Variants in CRB1 observed in about 807,000 individuals in gnomAD.
CRB1 encodes the protein protein crumbs homolog 1.
A neutral mutation model predicts 120.0 loss-of-function variants in CRB1; 83 were observed. The observed-to-expected ratio is 0.69, with a 90% CI of 0.58 to 0.83. The LOEUF (loss-of-function observed/expected upper bound fraction) is 0.83, where lower values mean the gene tolerates loss of function less well. Among genes scored for constraint, CRB1 ranks in the 40% least tolerant of loss-of-function variants. The pLI is 0.00. For missense variants in CRB1, 1,699 were observed against 1,687.6 expected (o/e 1.01, Z -0.12); for synonymous variants, 625 against 612.5 (o/e 1.02, Z -0.30).
intron 11 of CRB1, among the ~76,000 whole-genome samples, chr1:197,456,812 TG>T (rs1666305926): frequency 6.6e-6 from 1 of 152,172 alleles, no homozygotes; most frequent in African/African-American, 2.4e-5. Flanking sequence ...AACCGGTTTC[TG>T]TAAGTCCATA....
the CRB1 span, among the ~76,000 whole-genome samples, chr1:197,201,849 A>C: frequency 6.6e-6 from 1 of 152,232 alleles, no homozygotes; most frequent in Non-Finnish European, 1.5e-5. Flanking sequence ...CTAAGAAAAA[A>C]AATTTTATAC....
intron 4 of CRB1, among the ~76,000 whole-genome samples, chr1:197,348,015 T>A (rs1442467985): frequency 6.6e-6 from 1 of 152,228 alleles, no homozygotes; most frequent in African/African-American, 2.4e-5. Context: ...TTGTGTTACA[T>A]TACAGGCCAT....
chr1:197,462,244 A>G (rs944449243), intron 11 of CRB1, among the ~76,000 whole-genome samples: 10 of 152,282 alleles, frequency 6.6e-5, no homozygotes, highest in African/African-American at 2.4e-4. Context: ...CTGTATTACC[A>G]TCCTCATCAA....
chr1:197,341,286 T>C (rs1321712106), intron 2 of CRB1, among the ~76,000 whole-genome samples: 1 of 152,180 alleles, frequency 6.6e-6, no homozygotes, highest in East Asian at 1.9e-4. Context: ...CTCATGCCTG[T>C]AATCCCAGCA....
intron 11 of CRB1, among the ~76,000 whole-genome samples, chr1:197,448,831 TA>T (rs1159754830): frequency 6.6e-6 from 1 of 152,250 alleles, no homozygotes; most frequent in Non-Finnish European, 1.5e-5. Context: ...CAGCATCCAA[TA>T]ATAAACTGCT....
intron 1 of CRB1, among the ~76,000 whole-genome samples, chr1:197,295,782 T>C (rs1379572001): frequency 2.6e-5 from 4 of 152,008 alleles, no homozygotes; most frequent in South Asian, 2.1e-4. Context: ...AAGTGCGACA[T>C]ATGGCTGAGG....
intron 1 of CRB1, among the ~76,000 whole-genome samples, chr1:197,275,645 A>C (rs1487103833): frequency 6.6e-6 from 1 of 152,014 alleles, no homozygotes; most frequent in East Asian, 1.9e-4. Context: ...ATTAACTTAG[A>C]GTCTGATCAA....
chr1:197,342,938 A>T lies in CRB1; in HGVS notation c.653-1343A>T, dbSNP rs144087147. 3.9e-3 allele frequency among the ~76,000 whole-genome samples: 596 copies of T among 152,346 alleles called. 26 individuals are homozygous for T. Among genetic ancestry groups the T allele is most frequent in the Admixed American group, 0.029 (439 of 15,300 alleles). ...ATGCCAAGTAAAATAGCCATGGAAAATCTCATTCACAGACTGCAGTAGAAA... is the reference window on the plus strand; with the variant it reads ...ATGCCAAGTAAAATAGCCATGGAAATTCTCATTCACAGACTGCAGTAGAAA... On this transcript the variant is annotated intron_variant, in intron 2 of 11. Coordinates refer to ENST00000367400, the MANE Select transcript of CRB1 (RefSeq NM_201253.3).
At chr1:197,390,316 A>G (rs1662434424) in intron 5 of CRB1, among the ~76,000 whole-genome samples, 1 of 152,080 alleles carries the variant, frequency 6.6e-6, no homozygotes, top group African/African-American at 2.4e-5. Flanking sequence ...TAACAATTAA[A>G]TATTCTGTGC....
At chr1:197,294,170 A>C (rs1291894803) in intron 1 of CRB1, among the ~76,000 whole-genome samples, 1 of 152,220 alleles carries the variant, frequency 6.6e-6, no homozygotes, top group African/African-American at 2.4e-5. Flanking sequence ...CACATCTGAC[A>C]AAGGGCTAAT....
rs138536277 is a variant in CRB1, at chr1:197,270,678, C to G, written c.70+2196C>G. Among the ~76,000 whole-genome samples, 869 of 152,172 alleles carry G rather than the reference C, an allele frequency of 5.7e-3. 8 individuals carry two copies. Among genetic ancestry groups the G allele is most frequent in the African/African-American group, 0.017 (720 of 41,506 alleles). On this transcript the variant is annotated intron_variant, in intron 1 of 11. Coordinates refer to ENST00000367400, the MANE Select transcript of CRB1 (RefSeq NM_201253.3). The stretch of plus-strand genomic sequence containing the variant: ...TGTCAAGTAGAATTTATTATTAATT[C>G]CATTTTGCAGCTGAAGAAACTGAGG...
At chr1:197,222,998 G>T in the CRB1 span, 1 of 800,330 alleles carries the variant, frequency 1.2e-6, no homozygotes, top group Non-Finnish European at 2.3e-6. Flanking sequence ...GGTAGAGTTA[G>T]TCACTATTAA....
At chr1:197,202,900 A>G in the CRB1 span, among the ~76,000 whole-genome samples, 1 of 152,180 alleles carries the variant, frequency 6.6e-6, no homozygotes, top group Non-Finnish European at 1.5e-5. Context: ...GGAAATGAAC[A>G]TTATAGGTCA....
rs756738473 is a variant in CRB1 at position 197,435,089 on chromosome 1, G to A, written c.3226G>A (p.Asp1076Asn). ...TACTGGAAGCCTCAACTTTTTGAAGGATAATACAGATATTTATGTGGGAGA... is the reference window on the plus strand; with the variant it reads ...TACTGGAAGCCTCAACTTTTTGAAGAATAATACAGATATTTATGTGGGAGA... ...IATGSLNFLK[D>N]NTDIYVGDRA... is the part of the protein sequence containing the mutation. Residue 1076 changes from aspartate (D) to asparagine (N), a missense_variant, in exon 9 of 12, where the codon GAT (aspartate) becomes AAT (asparagine). Asp to Asn is a conservative substitution (Grantham distance 23, BLOSUM62 1). Transcript: ENST00000367400. 2.5e-6 allele frequency: 4 copies of A among 1,613,922 alleles called. No homozygotes were observed. The Admixed American group carries it at 6.7e-5, about 27-fold the overall frequency.
chr1:197,446,627 G>T (rs1208404710), intron 11 of CRB1, among the ~76,000 whole-genome samples: 2 of 152,154 alleles, frequency 1.3e-5, no homozygotes, highest in East Asian at 3.8e-4. Flanking sequence ...ATAGAGAATG[G>T]CTTAAAAGAA....
chr1:197,248,591 G>A, the CRB1 span, among the ~76,000 whole-genome samples: 1 of 151,854 alleles, frequency 6.6e-6, no homozygotes, highest in Non-Finnish European at 1.5e-5. Flanking sequence ...AAGATTCTCT[G>A]TTTATTATAA....
intron 11 of CRB1, among the ~76,000 whole-genome samples, chr1:197,459,208 T>C (rs1666417411): frequency 6.6e-6 from 1 of 152,062 alleles, no homozygotes; most frequent in Non-Finnish European, 1.5e-5. Flanking sequence ...TTGGTAAAAA[T>C]CCAGCCAGAG....
the CRB1 span, among the ~76,000 whole-genome samples, chr1:197,252,185 T>G: frequency 1.3e-5 from 2 of 151,886 alleles, no homozygotes; most frequent in Non-Finnish European, 2.9e-5. Flanking sequence ...TGTATACAAA[T>G]GAACATAGCT....
the CRB1 span, among the ~76,000 whole-genome samples, chr1:197,252,582 A>ATATATATGTGTGTGTGTGTGTGTG: frequency 6.4e-5 from 1 of 15,504 alleles, no homozygotes; most frequent in African/African-American, 1.6e-4. Flanking sequence ...ATATATATAT[A>ATATATATGTGTGTGTGTGTGTGTG]TGTGTGTGTG....
Sources: gnomAD v4.1 joint callset for allele counts (sites outside exome capture counted in the v4.1 genomes callset) on GRCh38, gnomAD v4.1.1 for gene constraint, MANE v1.5 for transcripts, NCBI Gene and HGNC (gene_info 2026-07-23, HGNC 2026-07-21) for gene names.